The following CLASP1 variants were observed in gnomAD, a reference collection of about 807,000 sequenced individuals.
CLASP1 encodes cytoplasmic linker associated protein 1.
CLASP1 carries 38 observed loss-of-function variants against 192.3 expected under a neutral mutation model. That is an observed-to-expected ratio of 0.20 (90% CI 0.15 to 0.26). The LOEUF is 0.26. Among genes scored for constraint, CLASP1 ranks in the 10% least tolerant of loss-of-function variants. The pLI, the probability that CLASP1 is intolerant of heterozygous loss-of-function variation, is 1.00. For synonymous variants in CLASP1, 691 were observed against 712.8 expected, an observed-to-expected ratio of 0.97 and a Z score of 0.49; for missense variants, 1,433 against 1,932.5, an observed-to-expected ratio of 0.74 and a Z score of 4.85.
At position 121,425,411 on chromosome 2, in the gene CLASP1, A is replaced by G. The variant is rs1204521291; in HGVS notation, c.2045-105T>C. On this transcript the variant is annotated intron_variant, in intron 21 of 39. Transcript: ENST00000263710. ...ACACATTAATTTGGCTAAAATACAC[A>G]ATTTTATATAAAAATAAATTTTTAT... 13 of 883,556 alleles carry G rather than the reference A, an allele frequency of 1.5e-5. No homozygotes were observed. The South Asian group carries it at 2.1e-4, about 15-fold the overall frequency. The allele number at this position is 883,556 out of a possible 1,614,324, so 54.7% of individuals were successfully genotyped here. A position where few individuals can be genotyped will look rare whatever the true frequency, so the allele number is the denominator to read the frequency against.
intron 19 of CLASP1, among the ~76,000 whole-genome samples, chr2:121,442,538 G>T (rs2083525197): frequency 6.6e-6 from 1 of 151,148 alleles, no homozygotes; most frequent in South Asian, 2.1e-4. Context: ...GTGCAATGAA[G>T]GCATAATCTC....
At chr2:121,576,379 G>A (rs1400290508) in intron 2 of CLASP1, among the ~76,000 whole-genome samples, 2 of 152,236 alleles carry the variant, frequency 1.3e-5, no homozygotes, top group Non-Finnish European at 2.9e-5. Flanking sequence ...ACATCATCTA[G>A]TGAGGAAAGC....
chr2:121,432,135 G>C (rs2081537266), intron 19 of CLASP1, among the ~76,000 whole-genome samples: 1 of 152,084 alleles, frequency 6.6e-6, no homozygotes, highest in South Asian at 2.1e-4. Context: ...TAATATATGA[G>C]GCAGAGTCTC....
At chr2:121,387,025 G>T in intron 32 of CLASP1, 97 bp downstream of exon 33, 1 of 981,306 alleles carries the variant, frequency 1.0e-6, no homozygotes, top group Admixed American at 2.1e-5. Context: ...TATTCTTTTT[G>T]TTATTTAGCT....
At chr2:121,437,633 T>C (rs74922596) in intron 19 of CLASP1, among the ~76,000 whole-genome samples, 1 of 152,218 alleles carries the variant, frequency 6.6e-6, no homozygotes, top group East Asian at 1.9e-4. Context: ...GAGATTACTT[T>C]CCCCCTCTAA....
chr2:121,613,959 G>C (rs932718229), intron 1 of CLASP1, among the ~76,000 whole-genome samples: 6 of 152,144 alleles, frequency 3.9e-5, no homozygotes, highest in Non-Finnish European at 1.5e-5. Flanking sequence ...GCAGCTGAAG[G>C]CTCTACAATG....
chr2:121,428,878 G>C (rs2149630175), intron 20 of CLASP1, among the ~76,000 whole-genome samples: 1 of 152,300 alleles, frequency 6.6e-6, no homozygotes. Flanking sequence ...AAAACCCCAT[G>C]AGGGTGGGAA....
At chr2:121,603,111 C>G (rs2063985727) in intron 2 of CLASP1, 1 of 151,160 alleles carries the variant, frequency 6.6e-6, no homozygotes. Context: ...AGTTGTATAC[C>G]AACTTTAGTG....
intron 8 of CLASP1, among the ~76,000 whole-genome samples, chr2:121,500,917 ACGTG>A (rs1198397336): frequency 1.3e-5 from 2 of 152,204 alleles, no homozygotes; most frequent in African/African-American, 4.8e-5. Context: ...ATGTGTGTGC[ACGTG>A]CACACACACA....
chr2:121,602,202 C>T (rs781013355), intron 2 of CLASP1, among the ~76,000 whole-genome samples: 1 of 150,704 alleles, frequency 6.6e-6, no homozygotes, highest in African/African-American at 2.4e-5. Flanking sequence ...AAGAAGAAAG[C>T]GGCAATTCCA....
intron 1 of CLASP1, among the ~76,000 whole-genome samples, chr2:121,614,503 A>C (rs2066142766): frequency 6.6e-6 from 1 of 152,188 alleles, no homozygotes; most frequent in Non-Finnish European, 1.5e-5. Flanking sequence ...CTCAAAAAAC[A>C]AAACAAAACA....
exon 25 of CLASP1, chr2:121,407,628 G>A (rs1405139674): frequency 4.3e-6 from 7 of 1,613,798 alleles, no homozygotes; most frequent in South Asian, 3.3e-5. Context: ...CCATATGAGC[G>A]CTCAGAGCAA....
intron 36 of CLASP1, chr2:121,364,814 AT>A: frequency 2.3e-6 from 1 of 426,992 alleles, no homozygotes; most frequent in Non-Finnish European, 4.3e-6. Flanking sequence ...GTTTTAAGAA[AT>A]TCTGTGTTAA....
chr2:121,399,258 A>C (rs1403152554), intron 28 of CLASP1, among the ~76,000 whole-genome samples: 1 of 152,238 alleles, frequency 6.6e-6, no homozygotes, highest in Non-Finnish European at 1.5e-5. Flanking sequence ...GGCACATATC[A>C]GGTACCAGTG....
At position 121,546,256 on chromosome 2, in the gene CLASP1, G is replaced by A. The variant is rs115360490; in HGVS notation, c.196-15931C>T. Among the ~76,000 whole-genome samples the A allele has an allele frequency of 6.7e-3, 1,019 of 151,702 alleles. 4 individuals carry two copies. The highest frequency in any genetic ancestry group is 0.01 in the Admixed American group (153 of 15,190). ...GTTTCTTTAAAAACGAAACACACAC[G>A]TACCCTATGACTGCAATTCCATTCC... On this transcript the variant is annotated intron_variant, in intron 2 of 39. Coordinates refer to ENST00000263710, the Ensembl canonical transcript of CLASP1.
intron 2 of CLASP1, chr2:121,531,111 T>G (rs975530580): frequency 3.1e-6 from 2 of 638,504 alleles, no homozygotes; most frequent in Non-Finnish European, 2.9e-6. Flanking sequence ...GACGCGTGGT[T>G]TTAGTGTCGC....
chr2:121,602,179 A>G (rs1019521656), intron 2 of CLASP1, among the ~76,000 whole-genome samples: 5 of 151,952 alleles, frequency 3.3e-5, no homozygotes, highest in Non-Finnish European at 7.4e-5. Context: ...CATCTCAAAA[A>G]AAAAAAAAGA....
In CLASP1 at chr2:121,430,262, G is replaced by T; in HGVS notation, c.1913-85C>A. 3 of 1,044,846 alleles carry T rather than the reference G, an allele frequency of 2.9e-6. No individual in the cohort carries two copies. The Admixed American group carries it at 6.5e-5, about 23-fold the overall frequency. The allele number at this position is 1,044,846 out of a possible 1,614,324, so 64.7% of individuals were successfully genotyped here. ...GAAAAGAAGCCATGCCCCAAAAGAG[G>T]GGCACTGACCAGCCAACTACATGGG... On this transcript the variant is annotated intron_variant, in intron 19 of 39. Coordinates refer to ENST00000263710, the Ensembl canonical transcript of CLASP1.
chr2:121,564,946 A>G (rs1218547031), intron 2 of CLASP1, among the ~76,000 whole-genome samples: 2 of 152,184 alleles, frequency 1.3e-5, no homozygotes, highest in Non-Finnish European at 2.9e-5. Flanking sequence ...AGGAGAATGC[A>G]GGTGGACAAG....
Sources: allele counts gnomAD v4.1 joint callset (sites outside exome capture counted in the v4.1 genomes callset), GRCh38; gene constraint gnomAD v4.1.1; transcripts MANE v1.5; gene names NCBI Gene and HGNC (gene_info 2026-07-23, HGNC 2026-07-21).